The following SCLT1 variants were observed in gnomAD, a reference collection of about 807,000 sequenced individuals.
SCLT1 encodes the protein sodium channel-associated protein 1.
Under a neutral mutation model 112.8 loss-of-function variants are expected in SCLT1, and 78 were observed. The ratio of observed to expected loss-of-function variants is 0.69; its 90% CI spans 0.58 to 0.83. SCLT1 has a LOEUF of 0.83. Among genes scored for constraint, SCLT1 ranks in the 40% least tolerant of loss-of-function variants. SCLT1 has a pLI of 0.00. For synonymous variants in SCLT1, 257 were observed against 254.7 expected, an observed-to-expected ratio of 1.01 and a Z score of -0.09; for missense variants, 747 against 770.4, an observed-to-expected ratio of 0.97 and a Z score of 0.36.
chr4:128,874,513 AAAAC>A (rs542996443), intron 4 of SCLT1: 2 of 152,286 alleles, frequency 1.3e-5, no homozygotes, highest in Non-Finnish European at 2.9e-5. Flanking sequence ...AATATTAAAA[AAAAC>A]CCACACAAAA....
intron 1 of SCLT1, among the ~76,000 whole-genome samples, chr4:129,084,311 AATCAATCATGAAGATTAACAAAGTTG>A (rs1156587914): frequency 6.6e-6 from 1 of 152,210 alleles, no homozygotes; most frequent in Non-Finnish European, 1.5e-5. Flanking sequence ...CATACTTAAA[AATCAATCATGAAGATTAACAAAGTTG>A]TTGGATACAA....
At chr4:128,956,892 G>T (rs1266115699) in intron 13 of SCLT1, 134 bp downstream of exon 13, 1 of 535,570 alleles carries the variant, frequency 1.9e-6, no homozygotes, top group East Asian at 3.2e-5. Context: ...AAACACTTAG[G>T]TTAATAATTT....
rs538436736 is a variant in SCLT1 at position 128,990,800 on chromosome 4, G to GA, written c.686+1366dup. ...TTTCCATATGCCAACTGAACAGTCT[G>GA]AAAAAAAAAACAAGAAAGTAATCCC... On this transcript the variant is annotated intron_variant, in intron 9 of 20. Transcript: ENST00000281142. 2.0e-3 allele frequency among the ~76,000 whole-genome samples: 288 copies of GA among 140,734 alleles called. 2 individuals carry two copies. The highest frequency in any genetic ancestry group is 0.015 in the East Asian group (73 of 4,838). The allele number at this position is 140,734 out of a possible 152,430, so 92.3% of individuals were successfully genotyped here.
intron 5 of SCLT1, among the ~76,000 whole-genome samples, chr4:129,014,187 A>G (rs572853671): frequency 6.6e-6 from 1 of 151,478 alleles, no homozygotes; most frequent in South Asian, 2.1e-4. Flanking sequence ...TATACTGGCT[A>G]TTTTTGCTGG....
intron 9 of SCLT1, among the ~76,000 whole-genome samples, chr4:128,979,369 C>G (rs1741451422): frequency 6.6e-6 from 1 of 152,024 alleles, no homozygotes; most frequent in African/African-American, 2.4e-5. Context: ...GCAGTGCCCT[C>G]GAAAATGGGA....
At chr4:128,935,043 T>G (rs114498715) in intron 18 of SCLT1, among the ~76,000 whole-genome samples, 1,989 of 152,130 alleles carry the variant, frequency 0.013, 45 homozygotes, top group African/African-American at 0.046. Context: ...TGTTATCAAA[T>G]GCTTTTTCTA....
chr4:128,946,087 G>T lies in SCLT1; in HGVS notation c.1359C>A (p.Phe453Leu), dbSNP rs760826666. The change falls in exon 16 of 21, where the codon TTC (phenylalanine) becomes TTA (leucine). Residue 453 changes from phenylalanine to leucine, a missense_variant. Around this residue, in one of 2 missense-constraint regions of SCLT1, gnomAD observed 723 missense variants for 721.3 expected, o/e 1.00. Coordinates refer to ENST00000281142, the MANE Select transcript of SCLT1 (RefSeq NM_144643.4). ...CATCTTTTGAACGCTCTGAAACCAG[G>T]AATCTTTGGTGCATTTCTTCCAGTT... ...YRKLEEMHQR[F>L]LVSERSKDDL... 1.2e-6 allele frequency: 2 copies of T among 1,608,236 alleles called. No homozygotes were observed. The highest frequency in any genetic ancestry group is 4.5e-5 in the East Asian group (2 of 44,728).
At chr4:129,062,855 C>T (rs906864919) in intron 2 of SCLT1, among the ~76,000 whole-genome samples, 1 of 152,122 alleles carries the variant, frequency 6.6e-6, no homozygotes, top group Non-Finnish European at 1.5e-5. Flanking sequence ...TTATAATGTG[C>T]CTGAGTAAAG....
At chr4:128,977,343 A>G (rs1249519347) in intron 9 of SCLT1, among the ~76,000 whole-genome samples, 1 of 152,142 alleles carries the variant, frequency 6.6e-6, no homozygotes, top group African/African-American at 2.4e-5. Flanking sequence ...GAGCACCTAC[A>G]TGTACTATAC....
intron 18 of SCLT1, among the ~76,000 whole-genome samples, chr4:128,899,092 G>T (rs1734043296): frequency 1.3e-5 from 2 of 152,084 alleles, no homozygotes; most frequent in South Asian, 2.1e-4. Context: ...TTCTACCAGA[G>T]GTACAAGGAG....
At chr4:128,897,703 CT>C in intron 18 of SCLT1, among the ~76,000 whole-genome samples, 1 of 152,136 alleles carries the variant, frequency 6.6e-6, no homozygotes, top group East Asian at 1.9e-4. Flanking sequence ...GCGCTAAATG[CT>C]CCAATTAAAA....
chr4:128,936,989 T>C, intron 17 of SCLT1, 138 bp from the exon 18 acceptor site: 1 of 455,694 alleles, frequency 2.2e-6, no homozygotes, highest in South Asian at 5.1e-5. Flanking sequence ...ACGTAAGAAA[T>C]CAAGTTTGGT....
At chr4:128,921,541 A>G (rs1176786669) in intron 18 of SCLT1, among the ~76,000 whole-genome samples, 2 of 152,324 alleles carry the variant, frequency 1.3e-5, no homozygotes, top group Admixed American at 1.3e-4. Flanking sequence ...GTAGACAAAA[A>G]CAAGTAATGG....
chr4:128,985,333 G>A (rs1471268194), intron 9 of SCLT1, among the ~76,000 whole-genome samples: 2 of 151,746 alleles, frequency 1.3e-5, no homozygotes, highest in East Asian at 1.9e-4. Flanking sequence ...TACATATATC[G>A]ATGATCAATA....
chr4:129,061,974 G>T (rs1049033839), intron 2 of SCLT1, among the ~76,000 whole-genome samples: 5 of 152,130 alleles, frequency 3.3e-5, no homozygotes, highest in African/African-American at 1.2e-4. Flanking sequence ...TTTGAGGATT[G>T]CAGGGGACCC....
chr4:129,091,804 A>AACCTCG (rs1202793491), intron 1 of SCLT1, among the ~76,000 whole-genome samples: 1 of 152,182 alleles, frequency 6.6e-6, no homozygotes, highest in African/African-American at 2.4e-5. Context: ...AGGTGCAGAA[A>AACCTCG]AGCTAGGAAA....
At chr4:129,054,353 T>A (rs1749145549) in intron 2 of SCLT1, among the ~76,000 whole-genome samples, 1 of 152,180 alleles carries the variant, frequency 6.6e-6, no homozygotes. Flanking sequence ...TTTTCCAAGT[T>A]GGTTCCATTT....
At chr4:128,974,506 G>A (rs887988247) in intron 9 of SCLT1, among the ~76,000 whole-genome samples, 1 of 152,038 alleles carries the variant, frequency 6.6e-6, no homozygotes, top group African/African-American at 2.4e-5. Flanking sequence ...TGGAGACAAA[G>A]CATGTCTGTA....
rs573722147 is a variant in SCLT1, at chr4:129,022,400, A to G, written c.290+16641T>C. Among the ~76,000 whole-genome samples, 7 of 152,348 alleles carry G rather than the reference A, an allele frequency of 4.6e-5. No homozygotes were observed. In the South Asian group the frequency reaches 1.2e-3, roughly 27 times the overall value. On this transcript the variant is annotated intron_variant, in intron 5 of 20. Transcript: ENST00000281142. The stretch of plus-strand genomic sequence containing the variant: ...ATGCAAGGAAGCTAGGAACCTTGAC[A>G]AAAGTTTACAGGAACTGCTAACTAG...
Sources: allele counts gnomAD v4.1 joint callset (sites outside exome capture counted in the v4.1 genomes callset), GRCh38; gene constraint gnomAD v4.1.1; regional missense constraint gnomAD v4.1.1; transcripts MANE v1.5; gene names NCBI Gene and HGNC (gene_info 2026-07-23, HGNC 2026-07-21).